Variants in TRIP12 observed in about 807,000 individuals in gnomAD.
The protein encoded by TRIP12 is E3 ubiquitin-protein ligase TRIP12.
In TRIP12, 25 loss-of-function variants were observed where a neutral mutation model predicts 244.2. That is an observed-to-expected ratio of 0.10 (90% CI 0.07 to 0.14). TRIP12 has a LOEUF of 0.14. Among genes scored for constraint, TRIP12 ranks in the 10% least tolerant of loss-of-function variants. The probability of loss-of-function intolerance (pLI) is 1.00; values close to 1 mark genes in which losing one functional copy is unlikely to be tolerated. For synonymous variants in TRIP12, 905 were observed against 873.1 expected (o/e 1.04, Z -0.64); for missense variants, 1,677 against 2,486.4 (o/e 0.67, Z 6.92).
chr2:229,831,887 GTT>G (rs35424089), intron 6 of TRIP12, among the ~76,000 whole-genome samples: 8 of 136,758 alleles, frequency 5.8e-5, no homozygotes, highest in African/African-American at 1.6e-4. Context: ...TGTTTTTTGG[GTT>G]TTTTTTTTTT....
At chr2:229,789,535 GTTTCCA>G in intron 31 of TRIP12, 70 bp downstream of exon 31, 1 of 1,532,162 alleles carries the variant, frequency 6.5e-7, no homozygotes, top group Non-Finnish European at 8.8e-7. Context: ...CTGAATCACT[GTTTCCA>G]TTTCTAGTGC....
intron 8 of TRIP12, among the ~76,000 whole-genome samples, chr2:229,827,831 T>G (rs2052157108): frequency 2.0e-5 from 3 of 152,164 alleles, no homozygotes; most frequent in Admixed American, 2.0e-4. Context: ...TTTTTTAAGC[T>G]CAACAGCTAT....
intron 1 of TRIP12, among the ~76,000 whole-genome samples, chr2:229,917,103 G>A (rs1024150304): frequency 7.9e-5 from 12 of 152,094 alleles, no homozygotes; most frequent in Admixed American, 4.6e-4. Flanking sequence ...AGCACTGGCC[G>A]GGCGCGGTGG....
At chr2:229,787,231 G>C (rs1221470634) in intron 33 of TRIP12, among the ~76,000 whole-genome samples, 1 of 152,078 alleles carries the variant, frequency 6.6e-6, no homozygotes, top group African/African-American at 2.4e-5. Context: ...GAGAAGACAA[G>C]ATTCTTTCTT....
intron 1 of TRIP12, among the ~76,000 whole-genome samples, chr2:229,920,402 A>G (rs2076274312): frequency 6.6e-6 from 1 of 152,126 alleles, no homozygotes; most frequent in African/African-American, 2.4e-5. Context: ...CTAGGAAAGG[A>G]GACAGCAGGA....
At chr2:229,867,185 A>G (rs1205643703) in intron 2 of TRIP12, among the ~76,000 whole-genome samples, 14 of 45,508 alleles carry the variant, frequency 3.1e-4, no homozygotes, top group African/African-American at 9.9e-4. Context: ...TTTTTTTTTG[A>G]GACAGATACT....
At position 229,765,302 on chromosome 2, in the gene TRIP12, G is replaced by T. The variant is rs2031419655; in HGVS notation, c.*2252C>A. 6.6e-6 allele frequency: 1 copy of T among 152,168 alleles called. No homozygotes were observed. The highest frequency in any genetic ancestry group is 1.5e-5 in the Non-Finnish European group (1 of 68,032). The allele number at this position is 152,168 out of a possible 1,614,324, so 9.4% of individuals were successfully genotyped here. On this transcript the variant is annotated 3_prime_UTR_variant, in exon 42 of 42. Transcript: ENST00000675903. ...TCGTTGATAGGATTACCAAGCAAAT[G>T]AATTTAAGGCATAACTGGAGTAACA...
At chr2:229,906,479 T>C (rs2072860243) in intron 1 of TRIP12, among the ~76,000 whole-genome samples, 1 of 151,492 alleles carries the variant, frequency 6.6e-6, no homozygotes. Flanking sequence ...CCCAGCACTT[T>C]AAGAGGCCGA....
intron 1 of TRIP12, among the ~76,000 whole-genome samples, chr2:229,910,977 T>C (rs548162629): frequency 7.4e-4 from 113 of 152,278 alleles, no homozygotes; most frequent in Non-Finnish European, 1.0e-3. Context: ...ACAAATGCAT[T>C]TGGACCTGGG....
chr2:229,775,413 C>G (rs1460901247), intron 37 of TRIP12, among the ~76,000 whole-genome samples: 1 of 151,154 alleles, frequency 6.6e-6, no homozygotes, highest in Non-Finnish European at 1.5e-5. Context: ...AGAAAGTTCT[C>G]CATTTTCATG....
At position 229,834,651 on chromosome 2, in the gene TRIP12, T is replaced by C. The variant is rs2054309269; in HGVS notation, c.1270+2197A>G. On this transcript the variant is annotated intron_variant, in intron 6 of 41. Transcript: ENST00000675903. ...GTCAGGCACTTGTAGTCCCAACTAC[T>C]TAGGAGGCTGAGGCAAGAGAATCAC... Among the ~76,000 whole-genome samples the C allele has an allele frequency of 1.3e-5, 2 of 151,954 alleles. 1 individual carries two copies. The highest frequency in any genetic ancestry group is 2.9e-5 in the Non-Finnish European group (2 of 67,996).
intron 4 of TRIP12, among the ~76,000 whole-genome samples, chr2:229,856,219 A>G (rs1323080302): frequency 6.6e-6 from 1 of 152,218 alleles, no homozygotes; most frequent in Non-Finnish European, 1.5e-5. Context: ...TGAAAACGGA[A>G]AAGTGATTTA....
At chr2:229,804,539 C>A (rs953344822) in intron 18 of TRIP12, among the ~76,000 whole-genome samples, 4 of 152,142 alleles carry the variant, frequency 2.6e-5, no homozygotes, top group African/African-American at 4.8e-5. Context: ...TAGGGAAATC[C>A]AATCCTAACC....
intron 2 of TRIP12, among the ~76,000 whole-genome samples, chr2:229,877,059 TA>T (rs537002845): frequency 2.0e-4 from 30 of 151,460 alleles, no homozygotes; most frequent in African/African-American, 5.6e-4. Context: ...TTTTTGCTAT[TA>T]AAAAAAACTG....
intron 1 of TRIP12, among the ~76,000 whole-genome samples, chr2:229,904,835 A>G (rs912606291): frequency 1.3e-5 from 2 of 152,240 alleles, no homozygotes; most frequent in Non-Finnish European, 2.9e-5. Context: ...AAGTATAGGT[A>G]GTAATAATGT....
chr2:229,784,105 C>T (rs1353304931), intron 34 of TRIP12, among the ~76,000 whole-genome samples: 67 of 135,986 alleles, frequency 4.9e-4, no homozygotes, highest in African/African-American at 1.8e-3. Context: ...AGCAAAACTC[C>T]GTCTCAAAAA....
chr2:229,771,787 G>C (rs1215678862), intron 38 of TRIP12, among the ~76,000 whole-genome samples, 155 bp from the exon 39 acceptor site: 4 of 152,036 alleles, frequency 2.6e-5, no homozygotes, highest in South Asian at 2.1e-4. Context: ...AAAACTACAT[G>C]AGTAAAACAT....
At chr2:229,808,405 A>C (rs776782620) in intron 15 of TRIP12, 36 bp from the exon 16 acceptor site, 7 of 1,431,852 alleles carry the variant, frequency 4.9e-6, no homozygotes, top group Non-Finnish European at 6.8e-6. Flanking sequence ...AAAGGCTATT[A>C]AACTAGTTAT....
intron 1 of TRIP12, among the ~76,000 whole-genome samples, chr2:229,904,642 A>C (rs934599795): frequency 6.6e-6 from 1 of 152,124 alleles, no homozygotes; most frequent in Admixed American, 6.6e-5. Context: ...TGAGGTGGCA[A>C]AATTGGGGGT....
Sources: allele counts gnomAD v4.1 joint callset (sites outside exome capture counted in the v4.1 genomes callset), GRCh38; gene constraint gnomAD v4.1.1; transcripts MANE v1.5; gene names NCBI Gene and HGNC (gene_info 2026-07-23, HGNC 2026-07-21).